Variants in CCDC91 observed in about 807,000 individuals in gnomAD.
The protein encoded by CCDC91 is coiled-coil domain containing 91.
In CCDC91, 48 loss-of-function variants were observed where a neutral mutation model predicts 63.2. That is an observed-to-expected ratio of 0.76 (90% CI 0.60 to 0.97). The LOEUF (loss-of-function observed/expected upper bound fraction) is 0.97. Ranked by LOEUF, CCDC91 falls within the 50% of genes least tolerant of loss-of-function variation. The probability of loss-of-function intolerance (pLI) is 0.00; values close to 1 mark genes in which losing one functional copy is unlikely to be tolerated. For missense variants in CCDC91, 500 were observed against 494.6 expected (o/e 1.01, Z -0.10); for synonymous variants, 167 against 165.8 (o/e 1.01, Z -0.06).
chr12:28,369,755 A>G (rs1419796309), intron 7 of CCDC91, among the ~76,000 whole-genome samples: 1 of 152,128 alleles, frequency 6.6e-6, no homozygotes, highest in African/African-American at 2.4e-5. Context: ...AAGGCTCCCA[A>G]ATCTCAACCC....
intron 12 of CCDC91, among the ~76,000 whole-genome samples, chr12:28,545,654 G>A (rs1942937949): frequency 6.6e-6 from 1 of 152,048 alleles, no homozygotes; most frequent in Non-Finnish European, 1.5e-5. Context: ...GTGAGCCTTG[G>A]CAGCTGCCTA....
At chr12:28,289,685 CTTTTTTTTTTTTTT>C (rs75555723) in intron 3 of CCDC91, among the ~76,000 whole-genome samples, 29,207 of 98,982 alleles carry the variant, frequency 0.3, 4,128 homozygotes, top group Middle Eastern at 0.4. Context: ...CTTTTCTTTT[CTTTTTTTTTTTTTT>C]TTTTTTTTTG....
At chr12:28,511,773 A>G (rs1309508101) in intron 12 of CCDC91, among the ~76,000 whole-genome samples, 1 of 151,920 alleles carries the variant, frequency 6.6e-6, no homozygotes, top group Admixed American at 6.6e-5. Flanking sequence ...TGTGTTGGAA[A>G]AAAAATGATG....
chr12:28,287,626 AT>A lies in CCDC91; in HGVS notation c.110-18020del, dbSNP rs1329294495. ...GTTACTGTAGTCCTCCTGTAGTACA[AT>A]TTGAAGTCAGGTAGCATAATGCCTC... On this transcript the variant is annotated intron_variant, in intron 3 of 12. Transcript: ENST00000536442. 1.3e-5 allele frequency among the ~76,000 whole-genome samples: 2 copies of A among 152,054 alleles called. 1 individual carries two copies. The highest frequency in any genetic ancestry group is 2.9e-5 in the Non-Finnish European group (2 of 67,958).
At chr12:28,267,824 T>TATAGTAATATATAATTATATTAG (rs1565699921) in intron 3 of CCDC91, among the ~76,000 whole-genome samples, 5 of 30,846 alleles carry the variant, frequency 1.6e-4, no homozygotes, top group African/African-American at 4.7e-4. Context: ...AATTATATTA[T>TATAGTAATATATAATTATATTAG]TAATATATAA....
At chr12:28,494,532 C>T (rs1952180013) in intron 12 of CCDC91, among the ~76,000 whole-genome samples, 2 of 151,720 alleles carry the variant, frequency 1.3e-5, no homozygotes, top group African/African-American at 4.8e-5. Flanking sequence ...CTATATCTTA[C>T]ACCTTACTGG....
chr12:28,293,665 C>A (rs899305328), intron 3 of CCDC91, among the ~76,000 whole-genome samples: 1 of 151,888 alleles, frequency 6.6e-6, no homozygotes, highest in Non-Finnish European at 1.5e-5. Flanking sequence ...GTTTTCATCT[C>A]TCTGTCTCTT....
chr12:28,191,097 C>T (rs1382970007), intron 1 of CCDC91: 1 of 152,288 alleles, frequency 6.6e-6, no homozygotes, highest in African/African-American at 2.4e-5. Flanking sequence ...CTTAGAGTTT[C>T]TTGGGCCACA....
At chr12:28,262,055 C>G (rs1946854503) in intron 3 of CCDC91, among the ~76,000 whole-genome samples, 1 of 151,966 alleles carries the variant, frequency 6.6e-6, no homozygotes, top group Non-Finnish European at 1.5e-5. Context: ...AAGTCTGCCT[C>G]TTGATTCAGG....
At chr12:28,506,886 A>G (rs1049523311) in intron 12 of CCDC91, among the ~76,000 whole-genome samples, 1 of 151,774 alleles carries the variant, frequency 6.6e-6, no homozygotes, top group Non-Finnish European at 1.5e-5. Flanking sequence ...CAAAACCAAA[A>G]CGATAAAAAA....
chr12:28,273,341 T>C (rs1947922963), intron 3 of CCDC91, among the ~76,000 whole-genome samples: 1 of 152,202 alleles, frequency 6.6e-6, no homozygotes, highest in Non-Finnish European at 1.5e-5. Flanking sequence ...TTATAATCCT[T>C]TGGGTATATA....
At chr12:28,455,300 A>G (rs1302529189) in intron 11 of CCDC91, among the ~76,000 whole-genome samples, 1 of 152,154 alleles carries the variant, frequency 6.6e-6, no homozygotes, top group Non-Finnish European at 1.5e-5. Context: ...AAAAACTAAT[A>G]TATTACTACA....
chr12:28,426,031 T>C (rs1948296608), intron 8 of CCDC91, among the ~76,000 whole-genome samples: 3 of 152,336 alleles, frequency 2.0e-5, no homozygotes, highest in Admixed American at 2.0e-4. Flanking sequence ...TGTTTATTCT[T>C]GCATAAATAC....
chr12:28,474,439 T>C (rs1950977138), intron 11 of CCDC91, among the ~76,000 whole-genome samples: 1 of 152,082 alleles, frequency 6.6e-6, no homozygotes, highest in African/African-American at 2.4e-5. Context: ...TCTAATCTAG[T>C]GGATTGTACC....
intron 12 of CCDC91, among the ~76,000 whole-genome samples, chr12:28,516,232 T>G (rs191701831): frequency 6.6e-6 from 1 of 152,060 alleles, no homozygotes; most frequent in Admixed American, 6.6e-5. Flanking sequence ...CTGTTGGGGT[T>G]TCATTAGGAT....
chr12:28,396,512 G>A (rs926053970), intron 8 of CCDC91, among the ~76,000 whole-genome samples: 1 of 152,026 alleles, frequency 6.6e-6, no homozygotes, highest in African/African-American at 2.4e-5. Context: ...TGAGAATGTT[G>A]GTAGCCCAAA....
At chr12:28,295,584 T>C (rs1949517433) in intron 3 of CCDC91, among the ~76,000 whole-genome samples, 1 of 152,230 alleles carries the variant, frequency 6.6e-6, no homozygotes, top group African/African-American at 2.4e-5. Context: ...AGTTTTCTAA[T>C]GTAAAGGATT....
In CCDC91 at chr12:28,417,646, C is replaced by A. The variant is rs74496418; in HGVS notation, c.762+26235C>A. ...ATATATATATATATATATATACACA[C>A]ACACACACATTGTTAAATGATTACC... is the stretch of plus-strand genomic sequence containing the variant. On this transcript the variant is annotated intron_variant, in intron 8 of 12. Transcript: ENST00000536442. Among the ~76,000 whole-genome samples, 354 of 95,750 alleles carry A rather than the reference C, an allele frequency of 3.7e-3. 2 individuals are homozygous for A. The highest frequency in any genetic ancestry group is 7.4e-3 in the Non-Finnish European group (247 of 33,470). The allele number at this position is 95,750 out of a possible 152,430, so 62.8% of individuals were successfully genotyped here.
chr12:28,427,921 CT>C (rs574386083), intron 8 of CCDC91, among the ~76,000 whole-genome samples: 60 of 152,090 alleles, frequency 3.9e-4, no homozygotes, highest in Non-Finnish European at 6.6e-4. Context: ...AGATTAAAAG[CT>C]TTTTTGGAAG....
Sources: gnomAD v4.1 joint callset for allele counts (sites outside exome capture counted in the v4.1 genomes callset) on GRCh38, gnomAD v4.1.1 for gene constraint, MANE v1.5 for transcripts, NCBI Gene and HGNC (gene_info 2026-07-23, HGNC 2026-07-21) for gene names.